Variants in ENO4 observed in about 807,000 individuals in gnomAD.
ENO4 encodes enolase 4, also known as 2-phospho-D-glycerate hydro-lyase.
Under a neutral mutation model 63.2 loss-of-function variants are expected in ENO4, and 53 were observed. That is an observed-to-expected ratio of 0.84 (90% CI 0.67 to 1.05). The LOEUF (loss-of-function observed/expected upper bound fraction) is 1.05. Ranked by LOEUF, ENO4 falls within the 50% of genes least tolerant of loss-of-function variation. ENO4 has a pLI of 0.00. For synonymous variants in ENO4, 266 were observed against 283.8 expected (o/e 0.94, Z 0.63); for missense variants, 719 against 772.0 (o/e 0.93, Z 0.81).
chr10:116,886,674 A>C, downstream of ENO4: 2 of 1,448,650 alleles, frequency 1.4e-6, no homozygotes, highest in Non-Finnish European at 1.9e-6. Flanking sequence ...TTCTAAGTCT[A>C]ATCAACATGC....
In ENO4 at chr10:116,866,722, T is replaced by C. The variant is rs191545192; in HGVS notation, c.991-1928T>C. Among the ~76,000 whole-genome samples the C allele has an allele frequency of 9.9e-4, 151 of 152,010 alleles. 2 individuals carry two copies. In the East Asian group the frequency reaches 0.02, roughly 21 times the overall value. On this transcript the variant is annotated intron_variant, in intron 7 of 13. Transcript: ENST00000341276. ...TGGGAGGCTGAGGTGGGAGGATTGC[T>C]TGAGCCCAGGAGTTTGAGGCTGCAG...
intron 10 of ENO4, among the ~76,000 whole-genome samples, chr10:116,896,442 A>G (rs763624516): frequency 2.0e-4 from 31 of 152,166 alleles, no homozygotes; most frequent in Non-Finnish European, 3.1e-4. Context: ...CTAGGCCCCA[A>G]CCAGCTTCGG....
At chr10:116,860,604 A>G (rs1389118519) in intron 4 of ENO4, among the ~76,000 whole-genome samples, 190 bp from the exon 5 acceptor site, 2 of 152,244 alleles carry the variant, frequency 1.3e-5, no homozygotes, top group Non-Finnish European at 2.9e-5. Flanking sequence ...AATGTCTTAG[A>G]CAGGCAAAAT....
Position 116,859,120 on chromosome 10 carries a change from A to G in ENO4, c.616A>G (p.Lys206Glu), listed in dbSNP as rs1356652049. ...PPPPPPPPTK[K>E]KGQKPGRKDT... ...ACCACCCCCTCCACCTCCTACCAAA[A>G]AAAAGGGGCAAAAGCCAGGTTGGTT... The change falls in exon 4 of 14, where the codon AAA becomes GAA. Residue 206 changes from lysine to glutamate, a missense_variant. Coordinates refer to ENST00000341276, the MANE Select transcript of ENO4 (RefSeq NM_001242699.2). 3 of 1,530,016 alleles carry G rather than the reference A, an allele frequency of 2.0e-6. No homozygotes were observed. Among genetic ancestry groups the G allele is most frequent in the East Asian group, 2.5e-5 (1 of 40,792 alleles). The allele number at this position is 1,530,016 out of a possible 1,614,324, so 94.8% of individuals were successfully genotyped here. A position where few individuals can be genotyped will look rare whatever the true frequency, so the allele number is the denominator to read the frequency against.
chr10:116,869,177 G>A (rs1351387537), intron 8 of ENO4, among the ~76,000 whole-genome samples: 1 of 152,230 alleles, frequency 6.6e-6, no homozygotes, highest in African/African-American at 2.4e-5. Flanking sequence ...ATTTTGCCAG[G>A]AGAGTGAGGC....
downstream of ENO4, chr10:116,883,457 C>T (rs1847079789): frequency 6.6e-6 from 1 of 152,136 alleles, no homozygotes; most frequent in African/African-American, 2.4e-5. Flanking sequence ...CTTTGAAGGT[C>T]AGTGATAATG....
At chr10:116,889,674 T>C (rs1847274869) in intron 10 of ENO4, among the ~76,000 whole-genome samples, 2 of 152,346 alleles carry the variant, frequency 1.3e-5, no homozygotes, top group South Asian at 2.1e-4. Flanking sequence ...TCCCTGTTTC[T>C]GCCTTTTCCA....
intron 10 of ENO4, among the ~76,000 whole-genome samples, chr10:116,892,677 G>A (rs544573206): frequency 7.2e-5 from 11 of 152,100 alleles, no homozygotes; most frequent in African/African-American, 2.2e-4. Flanking sequence ...TTTTAAGATC[G>A]AAAGTCACAA....
chr10:116,902,939 G>C (rs17678487), intron 10 of ENO4, among the ~76,000 whole-genome samples: 4,431 of 152,276 alleles, frequency 0.029, 105 homozygotes, highest in Non-Finnish European at 0.044. Context: ...TTGGTATTAA[G>C]CTCTGGAATG....
At position 116,897,878 on chromosome 10, in the gene ENO4, T is replaced by A. The variant is rs1486699751; in HGVS notation, c.1195-13621T>A. Among the ~76,000 whole-genome samples the A allele has an allele frequency of 2.0e-5, 3 of 152,102 alleles. 1 individual carries two copies. The South Asian group carries it at 6.2e-4, about 32-fold the overall frequency. ...TGTGGACAGGCACCGGCTTAGAAAA[T>A]AAATCACATTGTTTCCTTGTTACTC... On this transcript the variant is annotated intron_variant, in intron 10 of 10. Transcript: ENST00000369207.
intron 1 of ENO4, among the ~76,000 whole-genome samples, chr10:116,853,473 A>G: frequency 6.6e-6 from 1 of 152,164 alleles, no homozygotes; most frequent in East Asian, 1.9e-4. Context: ...TGTCACTGAC[A>G]TTTATTAATT....
downstream of ENO4, chr10:116,883,369 G>C (rs994694862): frequency 2.6e-5 from 4 of 152,182 alleles, no homozygotes; most frequent in African/African-American, 9.6e-5. Flanking sequence ...TAAAATGACT[G>C]TGGGATAGGG....
intron 10 of ENO4, among the ~76,000 whole-genome samples, chr10:116,875,048 G>A (rs1472457870): frequency 2.6e-5 from 4 of 152,048 alleles, no homozygotes; most frequent in African/African-American, 9.7e-5. Context: ...TTTGACAAAG[G>A]CTTATGTGAC....
In ENO4 at chr10:116,872,061, G is replaced by A. The variant is rs145557419; in HGVS notation, c.1215+769G>A. 8.3e-4 allele frequency among the ~76,000 whole-genome samples: 126 copies of A among 152,302 alleles called. 3 individuals are homozygous for A. The East Asian group carries it at 0.023, about 27-fold the overall frequency. ...AAATGCAAAAAATTAGCTGGGCGTGGTGGTGGGCTTCTGTAATCTCAGCTA... is the reference window on the plus strand; with the variant it reads ...AAATGCAAAAAATTAGCTGGGCGTGATGGTGGGCTTCTGTAATCTCAGCTA... On this transcript the variant is annotated intron_variant, in intron 9 of 13. Coordinates refer to ENST00000341276, the MANE Select transcript of ENO4 (RefSeq NM_001242699.2).
At position 116,873,848 on chromosome 10, in the gene ENO4, TG is replaced by T. The variant is rs1044760407; in HGVS notation, c.1216-225del. ...TGTAGGAAGCTGCATCTGAAGTCTGTGGGAAGAACCCTAGAGGGCATCAAAA... is the reference window on the plus strand; with the variant it reads ...TGTAGGAAGCTGCATCTGAAGTCTGTGGAAGAACCCTAGAGGGCATCAAAA... On this transcript the variant is annotated intron_variant, in intron 9 of 13. Coordinates refer to ENST00000341276, the MANE Select transcript of ENO4 (RefSeq NM_001242699.2). 4 of 984,578 alleles carry T rather than the reference TG, an allele frequency of 4.1e-6. No homozygotes were observed. The African/African-American group carries it at 7.0e-5, about 17-fold the overall frequency. The allele number at this position is 984,578 out of a possible 1,614,324, so 61.0% of individuals were successfully genotyped here.
intron 10 of ENO4, among the ~76,000 whole-genome samples, chr10:116,908,483 T>A (rs187003898): frequency 5.7e-4 from 87 of 152,302 alleles, no homozygotes; most frequent in Admixed American, 3.3e-4. Flanking sequence ...AAAAAAGTAC[T>A]ACAACAACTA....
rs913782623 is a variant in ENO4, at chr10:116,903,359, C to A, written c.1195-8140C>A. 4.6e-5 allele frequency among the ~76,000 whole-genome samples: 7 copies of A among 152,032 alleles called. No homozygotes were observed. The South Asian group carries it at 1.0e-3, about 23-fold the overall frequency. Reference sequence around the variant, plus strand: ...ACCAACCTGGCCAACATGGTGAAACCCTGTCTCTACTAGAAATCAGCCAGG... The same window carrying A: ...ACCAACCTGGCCAACATGGTGAAACACTGTCTCTACTAGAAATCAGCCAGG... On this transcript the variant is annotated intron_variant, in intron 10 of 10. Coordinates refer to the ENO4 transcript ENST00000369207.
chr10:116,856,380 G>A, intron 2 of ENO4, 112 bp from the exon 3 acceptor site: 1 of 800,700 alleles, frequency 1.2e-6, no homozygotes. Flanking sequence ...TATTCTCATT[G>A]TCCCCTTGAA....
intron 10 of ENO4, among the ~76,000 whole-genome samples, chr10:116,889,511 C>A (rs974081295): frequency 3.3e-5 from 5 of 152,038 alleles, no homozygotes; most frequent in Non-Finnish European, 5.9e-5. Context: ...CCTTAGAATC[C>A]CAGTGGAAGG....
Sources: gnomAD v4.1 joint callset for allele counts (sites outside exome capture counted in the v4.1 genomes callset) on GRCh38, gnomAD v4.1.1 for gene constraint, MANE v1.5 for transcripts, NCBI Gene and HGNC (gene_info 2026-07-23, HGNC 2026-07-21) for gene names.